Variants in GLP2R observed in about 807,000 individuals in gnomAD.
GLP2R encodes the protein glucagon-like peptide 2 receptor.
A neutral mutation model predicts 68.2 loss-of-function variants in GLP2R; 59 were observed. That is an observed-to-expected ratio of 0.87 (90% CI 0.70 to 1.07). The LOEUF is 1.07. Ranked by LOEUF, GLP2R falls within the 50% of genes least tolerant of loss-of-function variation. The pLI is 0.00. For synonymous variants in GLP2R, 270 were observed against 265.4 expected, an observed-to-expected ratio of 1.02 and a Z score of -0.17; for missense variants, 548 against 677.4, an observed-to-expected ratio of 0.81 and a Z score of 2.12.
chr17:9,856,708 G>T (rs2066936488), intron 5 of GLP2R, among the ~76,000 whole-genome samples: 1 of 152,224 alleles, frequency 6.6e-6, no homozygotes, highest in Non-Finnish European at 1.5e-5. Flanking sequence ...TGGCCTGAGA[G>T]TTTCTGTGTC....
intron 11 of GLP2R, among the ~76,000 whole-genome samples, chr17:9,881,091 T>C (rs530425348): frequency 6.6e-6 from 1 of 152,334 alleles, no homozygotes; most frequent in African/African-American, 2.4e-5. Flanking sequence ...TTCATGATTC[T>C]GGGAGTTAGG....
At chr17:9,873,498 A>G (rs2067114442) in intron 10 of GLP2R, among the ~76,000 whole-genome samples, 1 of 148,878 alleles carries the variant, frequency 6.7e-6, no homozygotes, top group African/African-American at 2.5e-5. Context: ...CAACCCTTTG[A>G]ATGGAAGGAC....
chr17:9,828,989 A>G (rs533743937), intron 1 of GLP2R, among the ~76,000 whole-genome samples: 1 of 152,198 alleles, frequency 6.6e-6, no homozygotes, highest in African/African-American at 2.4e-5. Context: ...CCTTTTCTAG[A>G]TGTTTATATT....
intron 11 of GLP2R, among the ~76,000 whole-genome samples, chr17:9,881,890 T>C (rs2067199456): frequency 6.6e-6 from 1 of 152,176 alleles, no homozygotes; most frequent in East Asian, 1.9e-4. Context: ...ATAGAGTAGT[T>C]ATCTGAAAAT....
intron 10 of GLP2R, among the ~76,000 whole-genome samples, chr17:9,874,668 A>C (rs2067128404): frequency 6.6e-6 from 1 of 152,052 alleles, no homozygotes; most frequent in South Asian, 2.1e-4. Flanking sequence ...CTGAGCTCAC[A>C]ATATATATAA....
At position 9,889,447 on chromosome 17, in the gene GLP2R, G is replaced by A; in HGVS notation, c.1404G>A (p.Gly468=). ...CAGGCTGCAGAGCCTGTGTCCTGGG[G>A]AAGGACTTCCGGTTCCTAGGAAAAT... ...RHSGCRACVL[G]KDFRFLGKCP... The change falls in exon 13 of 13, where the codon GGG becomes GGA. Residue 468 remains glycine, a synonymous_variant. Coordinates refer to ENST00000262441, the MANE Select transcript of GLP2R (RefSeq NM_004246.3). 1 of 1,614,054 alleles carries A rather than the reference G, an allele frequency of 6.2e-7. No individual in the cohort carries two copies. Among genetic ancestry groups the A allele is most frequent in the Non-Finnish European group, 8.5e-7 (1 of 1,179,866 alleles).
At chr17:9,870,686 T>C (rs2067084069) in intron 9 of GLP2R, 61 bp from the exon 10 acceptor site, 1 of 821,282 alleles carries the variant, frequency 1.2e-6, no homozygotes, top group South Asian at 1.4e-5. Context: ...AGCCTGACCT[T>C]GAAGTTCACA....
In GLP2R at chr17:9,857,500, T is replaced by A. The variant is rs141478969; in HGVS notation, c.689T>A (p.Val230Glu). 2 of 1,614,128 alleles carry A rather than the reference T, an allele frequency of 1.2e-6. No individual in the cohort carries two copies. The highest frequency in any genetic ancestry group is 2.7e-5 in the African/African-American group (2 of 75,024). ...ATCCTGAGAACCCTGGCTGTACTGGTGAAGGACGTCGTCTTCTACAACTCT... is the reference window on the plus strand; with the variant it reads ...ATCCTGAGAACCCTGGCTGTACTGGAGAAGGACGTCGTCTTCTACAACTCT... ...SFILRTLAVL[V>E]KDVVFYNSYS... Residue 230 changes from valine (V) to glutamate (E), a missense_variant, in exon 6 of 13, where the codon GTG becomes GAG. Val to Glu is a moderately radical substitution (Grantham distance 121, BLOSUM62 -2). Transcript: ENST00000262441.
At chr17:9,874,797 T>G (rs376977523) in intron 10 of GLP2R, among the ~76,000 whole-genome samples, 23 of 152,156 alleles carry the variant, frequency 1.5e-4, no homozygotes, top group African/African-American at 5.1e-4. Context: ...GATCCAGGAA[T>G]CCAAAGAACG....
intron 10 of GLP2R, among the ~76,000 whole-genome samples, chr17:9,874,495 T>TAAC (rs2067127100): frequency 6.6e-6 from 1 of 150,794 alleles, no homozygotes; most frequent in African/African-American, 2.5e-5. Context: ...CCTTTTTCTT[T>TAAC]AATAATAATA....
At chr17:9,881,038 T>A (rs901866645) in intron 11 of GLP2R, among the ~76,000 whole-genome samples, 1 of 152,214 alleles carries the variant, frequency 6.6e-6, no homozygotes, top group South Asian at 2.1e-4. Context: ...TAAATTATTA[T>A]CTATTTCTTA....
chr17:9,825,962 C>G lies in GLP2R; in HGVS notation c.-102C>G. 1.0e-6 allele frequency: 1 copy of G among 967,436 alleles called. No individual in the cohort carries two copies. Among genetic ancestry groups the G allele is most frequent in the Non-Finnish European group, 1.6e-6 (1 of 639,530 alleles). 59.9% of individuals were successfully genotyped at this position (967,436 alleles called of 1,614,324 possible). ...GCAGCGTGGAGAGGATTTGTGCAAA[C>G]ATTTCCTCTGTGGACCAAGAGGAAT... is the stretch of plus-strand genomic sequence containing the variant. On this transcript the variant is annotated 5_prime_UTR_variant, in exon 1 of 13. Coordinates refer to ENST00000262441, the MANE Select transcript of GLP2R (RefSeq NM_004246.3).
intron 3 of GLP2R, among the ~76,000 whole-genome samples, chr17:9,837,024 T>G (rs1289898881): frequency 1.3e-5 from 2 of 152,018 alleles, no homozygotes; most frequent in Non-Finnish European, 2.9e-5. Context: ...GGCTAATTTT[T>G]TTGTATTTTT....
intron 12 of GLP2R, among the ~76,000 whole-genome samples, chr17:9,888,247 C>A (rs530873238): frequency 6.6e-6 from 1 of 152,250 alleles, no homozygotes; most frequent in African/African-American, 2.4e-5. Flanking sequence ...ACAGAGGAAA[C>A]AAGCTTGAAC....
chr17:9,864,396 A>C (rs1314527352), intron 9 of GLP2R, among the ~76,000 whole-genome samples: 1 of 152,214 alleles, frequency 6.6e-6, no homozygotes, highest in African/African-American at 2.4e-5. Context: ...AACTGGTTGT[A>C]TGTTAGAAAC....
At position 9,869,753 on chromosome 17, in the gene GLP2R, G is replaced by A. The variant is rs74464174; in HGVS notation, c.1057-994G>A. Among the ~76,000 whole-genome samples the A allele has an allele frequency of 2.6e-5, 4 of 152,340 alleles. No homozygotes were observed. The East Asian group carries it at 7.7e-4, about 29-fold the overall frequency. ...TAAGAGAGAGAGAGAGAGAAAGAGAGAGCTGGGTGGAAGCCAGCCATCCTT... is the reference window on the plus strand; with the variant it reads ...TAAGAGAGAGAGAGAGAGAAAGAGAAAGCTGGGTGGAAGCCAGCCATCCTT... On this transcript the variant is annotated intron_variant, in intron 9 of 12. Transcript: ENST00000262441.
rs527608491 is a variant in GLP2R, at chr17:9,867,218, G to A, written c.1057-3529G>A. The stretch of plus-strand genomic sequence containing the variant: ...ATGGTGAACCAAGCACTGGGACCAA[G>A]GAGAGTGTCCCATCCCAGGTTCCGG... On this transcript the variant is annotated intron_variant, in intron 9 of 12. Transcript: ENST00000262441. Among the ~76,000 whole-genome samples, 3 of 152,308 alleles carry A rather than the reference G, an allele frequency of 2.0e-5. No homozygotes were observed. The South Asian group carries it at 6.2e-4, about 32-fold the overall frequency.
At chr17:9,841,138 T>A (rs1378318025) in intron 3 of GLP2R, among the ~76,000 whole-genome samples, 6 of 151,126 alleles carry the variant, frequency 4.0e-5, no homozygotes, top group Non-Finnish European at 8.8e-5. Context: ...TGCCTCAGCC[T>A]CCCTAGTAGC....
intron 10 of GLP2R, among the ~76,000 whole-genome samples, chr17:9,877,855 C>T (rs1225583908): frequency 1.1e-4 from 13 of 123,638 alleles, no homozygotes; most frequent in African/African-American, 3.2e-4. Context: ...CCAGCCTGGG[C>T]GACAGAACGA....
Sources: allele counts gnomAD v4.1 joint callset (sites outside exome capture counted in the v4.1 genomes callset), GRCh38; gene constraint gnomAD v4.1.1; transcripts MANE v1.5; gene names NCBI Gene and HGNC (gene_info 2026-07-23, HGNC 2026-07-21).